PLEKHA5: variants seen among roughly 807,000 people sequenced by gnomAD.
PLEKHA5 encodes the protein pleckstrin homology domain-containing family A member 5.
Under a neutral mutation model 181.9 loss-of-function variants are expected in PLEKHA5, and 55 were observed. That is an observed-to-expected ratio of 0.30 (90% CI 0.24 to 0.38). PLEKHA5 has a LOEUF of 0.38. Among genes scored for constraint, PLEKHA5 ranks in the 10% least tolerant of loss-of-function variants. The pLI, the probability that PLEKHA5 is intolerant of heterozygous loss-of-function variation, is 1.00. For synonymous variants in PLEKHA5, 535 were observed against 529.4 expected, an observed-to-expected ratio of 1.01 and a Z score of -0.15; for missense variants, 1,432 against 1,549.5, an observed-to-expected ratio of 0.92 and a Z score of 1.27.
intron 23 of PLEKHA5, 46 bp from the exon 24 acceptor site, chr12:19,346,948 A>G: frequency 1.6e-6 from 2 of 1,281,192 alleles, no homozygotes. Context: ...GATATGCTTA[A>G]TTCAATCTGC....
chr12:19,332,887 C>T (rs537859340), intron 20 of PLEKHA5, among the ~76,000 whole-genome samples: 13 of 152,272 alleles, frequency 8.5e-5, no homozygotes, highest in Non-Finnish European at 1.3e-4. Context: ...GATTCCTGGG[C>T]TCAAGCGATC....
At chr12:19,170,654 G>A (rs1191176324) in intron 3 of PLEKHA5, among the ~76,000 whole-genome samples, 1 of 152,168 alleles carries the variant, frequency 6.6e-6, no homozygotes, top group Admixed American at 6.5e-5. Context: ...TCTTGACCTC[G>A]TGATCCGCCT....
intron 3 of PLEKHA5, among the ~76,000 whole-genome samples, chr12:19,155,273 C>T (rs1281585460): frequency 6.6e-6 from 1 of 152,176 alleles, no homozygotes; most frequent in Non-Finnish European, 1.5e-5. Flanking sequence ...TTCAGACAAT[C>T]CTAAACCTGT....
intron 3 of PLEKHA5, among the ~76,000 whole-genome samples, chr12:19,198,317 C>T (rs2053419791): frequency 6.6e-6 from 1 of 152,260 alleles, no homozygotes; most frequent in Non-Finnish European, 1.5e-5. Context: ...GTCACAGAGG[C>T]CTTCTTTCAT....
At chr12:19,313,105 G>A (rs978683928) in intron 15 of PLEKHA5, among the ~76,000 whole-genome samples, 1 of 152,060 alleles carries the variant, frequency 6.6e-6, no homozygotes, top group African/African-American at 2.4e-5. Flanking sequence ...TCTTATGAGC[G>A]AGGTTCCTGG....
chr12:19,343,494 T>C, intron 22 of PLEKHA5, 60 bp downstream of exon 22: 2 of 925,002 alleles, frequency 2.2e-6, no homozygotes, highest in East Asian at 5.1e-5. Context: ...ATGTGTCGCT[T>C]GGTGACAGAT....
At chr12:19,282,017 C>G (rs2076297522) in intron 11 of PLEKHA5, among the ~76,000 whole-genome samples, 1 of 152,132 alleles carries the variant, frequency 6.6e-6, no homozygotes, top group Non-Finnish European at 1.5e-5. Context: ...CTCCTGACCT[C>G]TTGATCCGCC....
intron 3 of PLEKHA5, among the ~76,000 whole-genome samples, chr12:19,142,313 G>A (rs1170823338): frequency 2.0e-5 from 3 of 152,130 alleles, no homozygotes; most frequent in Admixed American, 2.0e-4. Flanking sequence ...AAGCTGAGGT[G>A]AGCTATGATC....
At chr12:19,358,570 A>C in intron 27 of PLEKHA5, 133 bp downstream of exon 27, 1 of 619,920 alleles carries the variant, frequency 1.6e-6, no homozygotes. Flanking sequence ...TAATTCTCCT[A>C]ATAATAAGCT....
chr12:19,163,568 A>G (rs1476819817), intron 3 of PLEKHA5, among the ~76,000 whole-genome samples: 1 of 152,148 alleles, frequency 6.6e-6, no homozygotes, highest in East Asian at 1.9e-4. Flanking sequence ...GTACCTTCAA[A>G]TGTTATCCCC....
intron 29 of PLEKHA5, among the ~76,000 whole-genome samples, chr12:19,362,550 A>AAAAGAAAAT (rs947695227): frequency 1.3e-5 from 2 of 151,808 alleles, no homozygotes; most frequent in African/African-American, 4.8e-5. Context: ...AAAGGAAAAA[A>AAAAGAAAAT]AAAGAAAATA....
At chr12:19,292,210 A>G (rs1465029446) in intron 15 of PLEKHA5, among the ~76,000 whole-genome samples, 1 of 152,090 alleles carries the variant, frequency 6.6e-6, no homozygotes, top group Non-Finnish European at 1.5e-5. Flanking sequence ...GTTCGAGACG[A>G]GGCTGGCCAA....
chr12:19,230,673 C>T (rs997514144), intron 3 of PLEKHA5, among the ~76,000 whole-genome samples: 2 of 152,146 alleles, frequency 1.3e-5, no homozygotes, highest in African/African-American at 4.8e-5. Flanking sequence ...GGAGCCTGTG[C>T]CCACCTGAAA....
At chr12:19,315,688 AT>A (rs2088361166) in intron 16 of PLEKHA5, among the ~76,000 whole-genome samples, 1 of 152,150 alleles carries the variant, frequency 6.6e-6, no homozygotes. Context: ...ATCTTTAAAA[AT>A]CATGCAGAAG....
chr12:19,209,912 A>C (rs573652805), intron 3 of PLEKHA5, among the ~76,000 whole-genome samples: 26 of 152,316 alleles, frequency 1.7e-4, no homozygotes, highest in Middle Eastern at 3.4e-3. Flanking sequence ...TCTCCACCAC[A>C]ACAATGCTCC....
intron 15 of PLEKHA5, among the ~76,000 whole-genome samples, chr12:19,309,030 C>G (rs1306470939): frequency 2.0e-5 from 3 of 151,714 alleles, no homozygotes; most frequent in Admixed American, 6.6e-5. Context: ...CTACTGCACT[C>G]TAGCCTAGGC....
intron 25 of PLEKHA5, among the ~76,000 whole-genome samples, chr12:19,350,995 C>T (rs1462581991): frequency 1.7e-4 from 23 of 137,256 alleles, no homozygotes; most frequent in Non-Finnish European, 2.7e-4. Flanking sequence ...ATCTCACCAT[C>T]GGCCCAGGCT....
intron 11 of PLEKHA5, among the ~76,000 whole-genome samples, chr12:19,281,226 CAAAA>C (rs199800119): frequency 2.1e-5 from 2 of 96,496 alleles, no homozygotes. Flanking sequence ...GAATCCATCT[CAAAA>C]AAAAAAAAAA....
chr12:19,147,861 C>G (rs373404339), intron 3 of PLEKHA5, among the ~76,000 whole-genome samples: 1 of 151,396 alleles, frequency 6.6e-6, no homozygotes, highest in Non-Finnish European at 1.5e-5. Flanking sequence ...CTCAGCCTCC[C>G]GAGTAGCTGG....
Sources: allele counts gnomAD v4.1 joint callset (sites outside exome capture counted in the v4.1 genomes callset), GRCh38; gene constraint gnomAD v4.1.1; transcripts MANE v1.5; gene names NCBI Gene and HGNC (gene_info 2026-07-23, HGNC 2026-07-21).